Variants in STAM2 observed in about 807,000 individuals in gnomAD.
STAM2 encodes signal transducing adapter molecule 2.
Under a neutral mutation model 65.6 loss-of-function variants are expected in STAM2, and 51 were observed. That is an observed-to-expected ratio of 0.78 (90% CI 0.62 to 0.98). The LOEUF (loss-of-function observed/expected upper bound fraction) is 0.98. STAM2 is among the 50% of genes least tolerant of loss of function. STAM2 has a pLI of 0.00. For missense variants in STAM2, 584 were observed against 617.8 expected (o/e 0.95, Z 0.58); for synonymous variants, 198 against 208.4 (o/e 0.95, Z 0.43).
intron 1 of STAM2, among the ~76,000 whole-genome samples, chr2:152,160,686 C>T (rs186460914): frequency 0.23 from 33,203 of 145,024 alleles, 3,930 homozygotes; most frequent in Admixed American, 0.31. Flanking sequence ...CCACCCCGTC[C>T]GGGAGGGAGG....
Position 152,125,740 on chromosome 2 carries a change from T to C in STAM2, c.1179+486A>G, listed in dbSNP as rs372172379. Among the ~76,000 whole-genome samples the C allele has an allele frequency of 5.9e-5, 9 of 152,342 alleles. No individual in the cohort carries two copies. The South Asian group carries it at 1.5e-3, about 25-fold the overall frequency. On this transcript the variant is annotated intron_variant, in intron 12 of 13. Transcript: ENST00000263904. ...GAAGTATAAAGCATACTCTAGAAGT[T>C]CATTGTGCCTGTTAATAATCATGTA...
chr2:152,120,466 TG>T lies in STAM2; in HGVS notation c.*107del. The T allele has an allele frequency of 2.3e-6, 2 of 879,604 alleles. No individual in the cohort carries two copies. The highest frequency in any genetic ancestry group is 3.5e-6 in the Non-Finnish European group (2 of 565,498). The allele number at this position is 879,604 out of a possible 1,614,324, so 54.5% of individuals were successfully genotyped here. ...GAGGTTTTTGTGCTTTATTTATTCA[TG>T]GTCCTTTTGAGTTGAGAGGGAAAAA... On this transcript the variant is annotated 3_prime_UTR_variant, in exon 14 of 14. Transcript: ENST00000263904.
Position 152,149,858 on chromosome 2 carries a change from T to C in STAM2, c.125+287A>G, listed in dbSNP as rs545463092. 1.9e-4 allele frequency among the ~76,000 whole-genome samples: 29 copies of C among 152,280 alleles called. No individual in the cohort carries two copies. In the South Asian group the frequency reaches 6.0e-3, roughly 32 times the overall value. On this transcript the variant is annotated intron_variant, in intron 2 of 13. Coordinates refer to ENST00000263904, the MANE Select transcript of STAM2 (RefSeq NM_005843.6). The stretch of plus-strand genomic sequence containing the variant: ...ATACCATAAACAGTAGATGGACATA[T>C]ATTTTGTATATACATAATATACTGT...
chr2:152,119,135 T>C lies in STAM2; in HGVS notation c.*1439A>G, dbSNP rs927234756. 1 of 152,224 alleles carries C rather than the reference T, an allele frequency of 6.6e-6. No homozygotes were observed. Among genetic ancestry groups the C allele is most frequent in the African/African-American group, 2.4e-5 (1 of 41,470 alleles). 9.4% of individuals were successfully genotyped at this position (152,224 alleles called of 1,614,324 possible). The stretch of plus-strand genomic sequence containing the variant: ...TTCCACGTAACTTTTTAAAAACTAA[T>C]GTCCATTGTTTTTCCCAATCTGAAT... On this transcript the variant is annotated 3_prime_UTR_variant, in exon 14 of 14. Coordinates refer to ENST00000263904, the MANE Select transcript of STAM2 (RefSeq NM_005843.6).
chr2:152,172,661 G>A lies in STAM2; in HGVS notation c.40+2942C>T, dbSNP rs1435609774. Among the ~76,000 whole-genome samples the A allele has an allele frequency of 2.6e-5, 4 of 152,090 alleles. No homozygotes were observed. The East Asian group carries it at 7.7e-4, about 29-fold the overall frequency. ...AGGCGGGCAGATCACTTGAGGGCAG[G>A]AGTTCAAGACCAGCCTGGCCAACAT... On this transcript the variant is annotated intron_variant, in intron 1 of 13. Coordinates refer to ENST00000263904, the MANE Select transcript of STAM2 (RefSeq NM_005843.6).
At chr2:152,150,789 G>A (rs1689429823) in intron 1 of STAM2, among the ~76,000 whole-genome samples, 1 of 152,186 alleles carries the variant, frequency 6.6e-6, no homozygotes, top group South Asian at 2.1e-4. Flanking sequence ...CTGGATGACA[G>A]GGTGAGACTC....
At chr2:152,147,079 G>C in intron 5 of STAM2, 83 bp downstream of exon 5, 2 of 1,292,878 alleles carry the variant, frequency 1.5e-6, no homozygotes, top group Non-Finnish European at 2.1e-6. Flanking sequence ...TGATAATCTA[G>C]ACATACCTTG....
At position 152,148,380 on chromosome 2, in the gene STAM2, C is replaced by T. The variant is rs1035448494; in HGVS notation, c.126-80G>A. 6 of 1,175,846 alleles carry T rather than the reference C, an allele frequency of 5.1e-6. No individual in the cohort carries two copies. In the African/African-American group the frequency reaches 7.9e-5, roughly 16 times the overall value. The allele number at this position is 1,175,846 out of a possible 1,614,324, so 72.8% of individuals were successfully genotyped here. A position where few individuals can be genotyped will look rare whatever the true frequency, so the allele number is the denominator to read the frequency against. ...CAAACATTAAGGTATTATTCTATTACCAAATAATTTTATATTTAATGGCTC... is the reference window on the plus strand; with the variant it reads ...CAAACATTAAGGTATTATTCTATTATCAAATAATTTTATATTTAATGGCTC... On this transcript the variant is annotated intron_variant, in intron 2 of 13. Coordinates refer to ENST00000263904, the MANE Select transcript of STAM2 (RefSeq NM_005843.6).
At chr2:152,122,327 AGG>A (rs1180627759) in intron 13 of STAM2, among the ~76,000 whole-genome samples, 1 of 151,950 alleles carries the variant, frequency 6.6e-6, no homozygotes, top group Non-Finnish European at 1.5e-5. Flanking sequence ...CAGGAGTCAG[AGG>A]TTGGAAGATC....
Position 152,120,872 on chromosome 2 carries a change from T to C in STAM2, c.1350-70A>G. 4 of 1,190,406 alleles carry C rather than the reference T, an allele frequency of 3.4e-6. No homozygotes were observed. In the Admixed American group the frequency reaches 5.4e-5, roughly 16 times the overall value. The allele number at this position is 1,190,406 out of a possible 1,614,324, so 73.7% of individuals were successfully genotyped here. On this transcript the variant is annotated intron_variant, in intron 13 of 13. Transcript: ENST00000263904. ...ATATAAGGTTAGAGATCAATCATCA[T>C]GACAAAAATGCCTTTTCCATCTTCT...
At chr2:152,164,354 T>C (rs1689738395) in intron 1 of STAM2, among the ~76,000 whole-genome samples, 1 of 152,142 alleles carries the variant, frequency 6.6e-6, no homozygotes, top group Admixed American at 6.5e-5. Context: ...TTTTTTTTTT[T>C]TTTTGAGATG....
chr2:152,120,833 A>G (rs772539835), intron 13 of STAM2, 31 bp from the exon 14 acceptor site: 15 of 1,545,406 alleles, frequency 9.7e-6, no homozygotes, highest in Middle Eastern at 1.7e-4. Flanking sequence ...AGAAAACCAT[A>G]TTTACTTTGC....
rs1221097670 is a variant in STAM2, at chr2:152,147,086, C to T, written c.447+76G>A. The T allele has an allele frequency of 3.7e-6, 5 of 1,335,830 alleles. No individual in the cohort carries two copies. The East Asian group carries it at 1.3e-4, about 34-fold the overall frequency. 82.7% of individuals were successfully genotyped at this position (1,335,830 alleles called of 1,614,324 possible). On this transcript the variant is annotated intron_variant, in intron 5 of 13. Transcript: ENST00000263904. ...GTGGAAAATGATAATCTAGACATAC[C>T]TTGCCTAGTCTTTACATAACATACA...
chr2:152,147,870 AC>A (rs1689364250), intron 4 of STAM2, among the ~76,000 whole-genome samples, 153 bp downstream of exon 4: 1 of 152,204 alleles, frequency 6.6e-6, no homozygotes. Flanking sequence ...TTGGTGCTAC[AC>A]ATTAAAAAAT....
intron 1 of STAM2, among the ~76,000 whole-genome samples, chr2:152,156,575 C>T (rs544283658): frequency 3.3e-5 from 5 of 152,204 alleles, no homozygotes; most frequent in South Asian, 4.1e-4. Flanking sequence ...ATTTCATCAC[C>T]AGGCTTTGAT....
chr2:152,159,129 A>ATATATATAGACACAC, intron 1 of STAM2, among the ~76,000 whole-genome samples: 1 of 144,748 alleles, frequency 6.9e-6, no homozygotes, highest in African/African-American at 2.6e-5. Flanking sequence ...AGATATATAT[A>ATATATATAGACACAC]ATTTTTTTTC....
Position 152,134,946 on chromosome 2 carries a change from T to C in STAM2, c.799+563A>G, listed in dbSNP as rs114802574. Among the ~76,000 whole-genome samples the C allele has an allele frequency of 7.6e-3, 1,160 of 152,326 alleles. 16 individuals carry two copies. The highest frequency in any genetic ancestry group is 0.026 in the African/African-American group (1,086 of 41,580). On this transcript the variant is annotated intron_variant, in intron 8 of 13. Transcript: ENST00000263904. ...GGCTAAAGTGACTAAAATGGAACTGTCTGTGGCTGCAGACTGACTAAAGTT... is the reference window on the plus strand; with the variant it reads ...GGCTAAAGTGACTAAAATGGAACTGCCTGTGGCTGCAGACTGACTAAAGTT...
intron 1 of STAM2, among the ~76,000 whole-genome samples, chr2:152,164,754 A>C (rs1394393969): frequency 6.6e-6 from 1 of 152,208 alleles, no homozygotes; most frequent in Non-Finnish European, 1.5e-5. Flanking sequence ...GTCACCACCA[A>C]CATTTCTGGG....
Position 152,133,374 on chromosome 2 carries a change from TA to T in STAM2, c.882+27del, listed in dbSNP as rs781504933. 3.0e-5 allele frequency: 48 copies of T among 1,574,564 alleles called. No homozygotes were observed. In the South Asian group the frequency reaches 5.4e-4, roughly 18 times the overall value. ...AGTACATTTAAATGTCTTGATAGTTTAACTATTAAACAAAAGAGGGACCCTA... is the reference window on the plus strand; with the variant it reads ...AGTACATTTAAATGTCTTGATAGTTTACTATTAAACAAAAGAGGGACCCTA... On this transcript the variant is annotated intron_variant, in intron 9 of 13. Coordinates refer to ENST00000263904, the MANE Select transcript of STAM2 (RefSeq NM_005843.6).
Sources: allele counts gnomAD v4.1 joint callset (sites outside exome capture counted in the v4.1 genomes callset), GRCh38; gene constraint gnomAD v4.1.1; transcripts MANE v1.5; gene names NCBI Gene and HGNC (gene_info 2026-07-23, HGNC 2026-07-21).